The following PDGFRA variants were observed in gnomAD, a reference collection of about 807,000 sequenced individuals.
PDGFRA encodes platelet derived growth factor receptor alpha, also known as platelet-derived growth factor receptor alpha.
In PDGFRA, 25 loss-of-function variants were observed where a neutral mutation model predicts 121.5. The ratio of observed to expected loss-of-function variants is 0.21; its 90% CI spans 0.15 to 0.29. The LOEUF is 0.29. Ranked by LOEUF, PDGFRA falls within the 10% of genes least tolerant of loss-of-function variation. The pLI, the probability that PDGFRA is intolerant of heterozygous loss-of-function variation, is 1.00. For missense variants in PDGFRA, 1,008 were observed against 1,345.1 expected (o/e 0.75, Z 3.92); for synonymous variants, 463 against 494.8 (o/e 0.94, Z 0.85).
At chr4:54,234,510 TTTA>T (rs1181493190) in intron 1 of PDGFRA, among the ~76,000 whole-genome samples, 6 of 152,188 alleles carry the variant, frequency 3.9e-5, no homozygotes, top group Admixed American at 1.3e-4. Context: ...TGCTTTATTT[TTTA>T]TTTTTTATTT....
At chr4:54,230,059 G>C (rs1297209662) in intron 1 of PDGFRA, 1 of 152,414 alleles carries the variant, frequency 6.6e-6, no homozygotes, top group Non-Finnish European at 1.5e-5. Context: ...ACAGCACAGG[G>C]AGCCGGCCGA....
intron 7 of PDGFRA, among the ~76,000 whole-genome samples, chr4:54,269,164 G>A (rs142826312): frequency 6.6e-6 from 1 of 152,162 alleles, no homozygotes; most frequent in African/African-American, 2.4e-5. Flanking sequence ...GTGCCCCAGG[G>A]TACTCTCTTA....
chr4:54,261,069 T>A (rs1309957015), intron 2 of PDGFRA, 26 bp from the exon 3 acceptor site: 1 of 1,606,140 alleles, frequency 6.2e-7, no homozygotes, highest in Non-Finnish European at 8.5e-7. Flanking sequence ...GACTGCATCC[T>A]ATTCAGAGCG....
intron 1 of PDGFRA, among the ~76,000 whole-genome samples, chr4:54,245,922 T>G (rs1194298854): frequency 1.3e-5 from 2 of 151,984 alleles, no homozygotes; most frequent in Non-Finnish European, 1.5e-5. Context: ...TCCTAGTCTC[T>G]GATAAAACAG....
At chr4:54,282,581 A>T (rs368870384) in intron 16 of PDGFRA, among the ~76,000 whole-genome samples, 12 of 152,274 alleles carry the variant, frequency 7.9e-5, no homozygotes, top group Admixed American at 3.3e-4. Flanking sequence ...ATTACAATTC[A>T]ACATGAGATT....
rs376544204 is a variant in PDGFRA at position 54,295,213 on chromosome 4, G to A, written c.3211G>A (p.Asp1071Asn). 6.4e-5 allele frequency: 104 copies of A among 1,613,732 alleles called. No homozygotes were observed. The highest frequency in any genetic ancestry group is 4.9e-4 in the Middle Eastern group (3 of 6,082). Reference protein sequence around the residue: ...KREDETIEDIDMMDDIGIDSS... With the variant: ...KREDETIEDINMMDDIGIDSS... ...AGAGGACGAGACCATTGAAGACATC[G>A]ACATGATGGATGACATCGGCATAGA... Residue 1071 changes from aspartate (D) to asparagine (N), a missense_variant, in exon 23 of 23, where the codon GAC becomes AAC. Asp to Asn is a conservative substitution (Grantham distance 23, BLOSUM62 1). Around this residue, in one of 5 missense-constraint regions of PDGFRA, gnomAD observed 204 missense variants for 243.0 expected, o/e 0.84. Coordinates refer to ENST00000257290, the MANE Select transcript of PDGFRA (RefSeq NM_006206.6).
chr4:54,285,052 C>A (rs1724268585), intron 16 of PDGFRA, among the ~76,000 whole-genome samples: 1 of 151,712 alleles, frequency 6.6e-6, no homozygotes, highest in African/African-American at 2.4e-5. Flanking sequence ...TGCCACCATG[C>A]CTGGCTAATT....
chr4:54,267,577 C>T lies in PDGFRA; in HGVS notation c.957C>T (p.Pro319=). ...AGAAAGGTTTCATTGAAATCAAACC[C>T]ACCTTCAGCCAGTTGGAAGCTGTCA... is the stretch of plus-strand genomic sequence containing the variant. ...VHEKGFIEIK[P]TFSQLEAVNL... is the part of the protein sequence containing the mutation. Residue 319 remains proline, a synonymous_variant, in exon 7 of 23, where the codon CCC becomes CCT. Transcript: ENST00000257290. 6.2e-7 allele frequency: 1 copy of T among 1,614,124 alleles called. No individual in the cohort carries two copies. Among genetic ancestry groups the T allele is most frequent in the South Asian group, 1.1e-5 (1 of 91,074 alleles).
intron 1 of PDGFRA, among the ~76,000 whole-genome samples, chr4:54,247,651 A>G (rs1218918013): frequency 6.6e-6 from 1 of 152,186 alleles, no homozygotes; most frequent in East Asian, 1.9e-4. Flanking sequence ...ATTCCCTTTG[A>G]AAACTGGCAC....
intron 1 of PDGFRA, among the ~76,000 whole-genome samples, chr4:54,236,166 A>G (rs1423497813): frequency 6.6e-6 from 1 of 152,262 alleles, no homozygotes; most frequent in Non-Finnish European, 1.5e-5. Flanking sequence ...ATTATGATTG[A>G]AGAAAAGATT....
chr4:54,245,508 A>G (rs1488875383), intron 1 of PDGFRA, among the ~76,000 whole-genome samples: 3 of 152,188 alleles, frequency 2.0e-5, no homozygotes, highest in Admixed American at 6.5e-5. Flanking sequence ...CAGACAAGCA[A>G]ATGCTGAGAG....
chr4:54,273,440 G>A, intron 9 of PDGFRA, 97 bp from the exon 10 acceptor site: 1 of 941,732 alleles, frequency 1.1e-6, no homozygotes, highest in Non-Finnish European at 1.7e-6. Flanking sequence ...TGCAGACAAG[G>A]TCCCAACTCC....
intron 7 of PDGFRA, among the ~76,000 whole-genome samples, chr4:54,269,099 C>G (rs187469071): frequency 6.6e-6 from 1 of 151,872 alleles, no homozygotes; most frequent in Non-Finnish European, 1.5e-5. Flanking sequence ...TTTTCTTGGC[C>G]GAAGAAGTGA....
chr4:54,255,131 C>T (rs141460547), intron 1 of PDGFRA, among the ~76,000 whole-genome samples: 50 of 152,286 alleles, frequency 3.3e-4, no homozygotes, highest in Non-Finnish European at 6.9e-4. Context: ...GGGTCATTTG[C>T]GAAACCTCTC....
Position 54,285,835 on chromosome 4 carries a change from A to T in PDGFRA, c.2440-6A>T, listed in dbSNP as rs1577742132. 3 of 1,613,858 alleles carry T rather than the reference A, an allele frequency of 1.9e-6. No homozygotes were observed. Among genetic ancestry groups the T allele is most frequent in the Non-Finnish European group, 2.5e-6 (3 of 1,179,918 alleles). On this transcript the variant is annotated splice_polypyrimidine_tract_variant and splice_region_variant and intron_variant, in intron 17 of 22. Coordinates refer to ENST00000257290, the MANE Select transcript of PDGFRA (RefSeq NM_006206.6). ...ATCCTGAGTCATTTCTTCCTTTTCCATGCAGTGTGTCCACCGTGATCTGGC... is the reference window on the plus strand; with the variant it reads ...ATCCTGAGTCATTTCTTCCTTTTCCTTGCAGTGTGTCCACCGTGATCTGGC...
chr4:54,253,239 C>T (rs1475520427), intron 1 of PDGFRA, among the ~76,000 whole-genome samples: 11 of 152,176 alleles, frequency 7.2e-5, no homozygotes, highest in Non-Finnish European at 7.3e-5. Flanking sequence ...TTATGGGAGT[C>T]TGCAGAAAAA....
chr4:54,231,459 C>T (rs1264855269), intron 1 of PDGFRA, among the ~76,000 whole-genome samples: 1 of 152,262 alleles, frequency 6.6e-6, no homozygotes, highest in Non-Finnish European at 1.5e-5. Context: ...TCCCCGGAGC[C>T]ACAGGAGGGG....
intron 1 of PDGFRA, among the ~76,000 whole-genome samples, chr4:54,248,172 A>G (rs1721809115): frequency 6.6e-6 from 1 of 152,224 alleles, no homozygotes; most frequent in Non-Finnish European, 1.5e-5. Context: ...TGCCATCCCC[A>G]TCAAGCTACC....
intron 1 of PDGFRA, 40 bp from the exon 2 acceptor site, chr4:54,258,717 A>G: frequency 1.6e-6 from 2 of 1,275,810 alleles, no homozygotes; most frequent in Non-Finnish European, 2.3e-6. Context: ...GGTTGTTTCT[A>G]TTTGCTAATG....
Sources: allele counts gnomAD v4.1 joint callset (sites outside exome capture counted in the v4.1 genomes callset), GRCh38; gene constraint gnomAD v4.1.1; regional missense constraint gnomAD v4.1.1; transcripts MANE v1.5; gene names NCBI Gene and HGNC (gene_info 2026-07-23, HGNC 2026-07-21).